CHN1: variants seen among roughly 807,000 people sequenced by gnomAD.
CHN1 encodes chimerin 1.
Under a neutral mutation model 59.5 loss-of-function variants are expected in CHN1, and 37 were observed. The ratio of observed to expected loss-of-function variants is 0.62; its 90% CI spans 0.48 to 0.82. CHN1 has a LOEUF of 0.82. CHN1 is among the 40% of genes least tolerant of loss of function. The pLI, the probability that CHN1 is intolerant of heterozygous loss-of-function variation, is 0.00. For missense variants in CHN1, 469 were observed against 571.0 expected, an observed-to-expected ratio of 0.82 and a Z score of 1.82; for synonymous variants, 206 against 200.4, an observed-to-expected ratio of 1.03 and a Z score of -0.24.
intron 5 of CHN1, among the ~76,000 whole-genome samples, chr2:174,902,521 T>C (rs939135922): frequency 2.0e-5 from 3 of 152,186 alleles, no homozygotes; most frequent in South Asian, 2.1e-4. Context: ...TACTCTTATA[T>C]CTTAAAATTT....
At chr2:174,851,886 T>TA (rs1686741575) in intron 6 of CHN1, among the ~76,000 whole-genome samples, 1 of 152,180 alleles carries the variant, frequency 6.6e-6, no homozygotes, top group South Asian at 2.1e-4. Context: ...CCAGAACTGA[T>TA]AAATGATTTT....
chr2:174,853,289 TG>T (rs1160835786), intron 6 of CHN1, among the ~76,000 whole-genome samples: 8 of 152,080 alleles, frequency 5.3e-5, no homozygotes, highest in Admixed American at 4.6e-4. Flanking sequence ...GCAAAGGACA[TG>T]AACAAACACT....
chr2:175,001,652 C>T (rs1485767919), intron 1 of CHN1, among the ~76,000 whole-genome samples: 1 of 152,114 alleles, frequency 6.6e-6, no homozygotes, highest in Non-Finnish European at 1.5e-5. Flanking sequence ...GTGACTCTAC[C>T]CAGATAGAGG....
At chr2:174,872,540 C>T (rs1271512274) in intron 6 of CHN1, among the ~76,000 whole-genome samples, 1 of 152,148 alleles carries the variant, frequency 6.6e-6, no homozygotes, top group East Asian at 1.9e-4. Context: ...GCAAATACCA[C>T]AGGAAAATAA....
intron 10 of CHN1, among the ~76,000 whole-genome samples, chr2:174,809,490 T>TTAA (rs1685006534): frequency 6.6e-6 from 1 of 152,202 alleles, no homozygotes; most frequent in African/African-American, 2.4e-5. Flanking sequence ...TATTTTTGAG[T>TTAA]TAACCAATCA....
At chr2:174,873,409 T>C (rs1198115015) in intron 6 of CHN1, among the ~76,000 whole-genome samples, 1 of 152,240 alleles carries the variant, frequency 6.6e-6, no homozygotes, top group Non-Finnish European at 1.5e-5. Context: ...GCAAACTTCT[T>C]TGTGCCATGC....
chr2:174,930,925 C>G (rs974306679), intron 3 of CHN1, among the ~76,000 whole-genome samples: 3 of 152,076 alleles, frequency 2.0e-5, no homozygotes, highest in African/African-American at 7.2e-5. Context: ...ACCACCTACG[C>G]CAGGCTAATT....
At chr2:174,853,015 C>A (rs765399284) in intron 6 of CHN1, among the ~76,000 whole-genome samples, 1 of 152,028 alleles carries the variant, frequency 6.6e-6, no homozygotes, top group Non-Finnish European at 1.5e-5. Flanking sequence ...TAGGAAATAC[C>A]CTTTTTCGTA....
intron 3 of CHN1, among the ~76,000 whole-genome samples, chr2:174,935,336 T>A (rs1689465625): frequency 6.6e-6 from 1 of 152,206 alleles, no homozygotes; most frequent in Non-Finnish European, 1.5e-5. Flanking sequence ...CCTCCAAGAA[T>A]GCTGACTGAA....
intron 6 of CHN1, among the ~76,000 whole-genome samples, chr2:174,860,741 C>A (rs888197535): frequency 1.3e-5 from 2 of 152,144 alleles, no homozygotes; most frequent in Admixed American, 6.5e-5. Flanking sequence ...CATTTTCTAA[C>A]AAAAGTTGAA....
At chr2:174,871,100 T>C (rs1320436490) in intron 6 of CHN1, among the ~76,000 whole-genome samples, 1 of 151,082 alleles carries the variant, frequency 6.6e-6, no homozygotes, top group Non-Finnish European at 1.5e-5. Flanking sequence ...TTTTCTTTAA[T>C]CATTACAGCA....
intron 2 of CHN1, among the ~76,000 whole-genome samples, chr2:174,948,624 C>T (rs927061805): frequency 6.6e-6 from 1 of 152,156 alleles, no homozygotes; most frequent in African/African-American, 2.4e-5. Context: ...TTGTGAAATG[C>T]TGTTCAGATT....
intron 5 of CHN1, among the ~76,000 whole-genome samples, chr2:174,913,281 G>C (rs548806036): frequency 6.6e-6 from 1 of 152,250 alleles, no homozygotes; most frequent in Admixed American, 6.5e-5. Flanking sequence ...AGAAAGAGAG[G>C]CTTCTGTTTC....
chr2:174,895,186 ATG>A (rs574252092), intron 5 of CHN1, among the ~76,000 whole-genome samples: 6,354 of 125,932 alleles, frequency 0.05, 261 homozygotes, highest in African/African-American at 0.12. Context: ...GAGTATATAT[ATG>A]TGTGTGTGTG....
Position 174,816,753 on chromosome 2 carries a change from G to GTTATA in CHN1, c.713-4272_713-4271insTATAA. On this transcript the variant is annotated intron_variant, in intron 8 of 12. Coordinates refer to ENST00000409900, the MANE Select transcript of CHN1 (RefSeq NM_001822.7). ...CAGGGCCTTTTGTTATAATTATTGG[G>GTTATA]AGTAATAAAAGCATATTTATCCATC... Among the ~76,000 whole-genome samples the GTTATA allele has an allele frequency of 4.6e-5, 7 of 152,080 alleles. No individual in the cohort carries two copies. The South Asian group carries it at 1.5e-3, about 32-fold the overall frequency.
At chr2:174,830,187 C>T (rs1365590448) in intron 7 of CHN1, among the ~76,000 whole-genome samples, 6 of 151,842 alleles carry the variant, frequency 4.0e-5, no homozygotes, top group South Asian at 2.1e-4. Flanking sequence ...GAGCCGAGAT[C>T]GTGCCACTGC....
Position 174,960,002 on chromosome 2 carries a change from T to G in CHN1, c.20-7800A>C, listed in dbSNP as rs149644597. Among the ~76,000 whole-genome samples, 9 of 152,164 alleles carry G rather than the reference T, an allele frequency of 5.9e-5. No individual in the cohort carries two copies. The East Asian group carries it at 1.5e-3, about 26-fold the overall frequency. On this transcript the variant is annotated intron_variant, in intron 1 of 12. Coordinates refer to ENST00000409900, the MANE Select transcript of CHN1 (RefSeq NM_001822.7). ...TGATGATGGGAAGGAAGAGCAATAG[T>G]GTAGTTGGTTCTTTTTCTGGCATTT... is the stretch of plus-strand genomic sequence containing the variant.
intron 1 of CHN1, among the ~76,000 whole-genome samples, chr2:174,957,450 G>C (rs930933245): frequency 2.1e-5 from 3 of 143,096 alleles, no homozygotes; most frequent in Non-Finnish European, 4.6e-5. Context: ...GTGTGTTGGG[G>C]GGGGGGGCAG....
intron 8 of CHN1, among the ~76,000 whole-genome samples, chr2:174,815,262 A>G (rs1685206980): frequency 6.6e-6 from 1 of 152,134 alleles, no homozygotes; most frequent in South Asian, 2.1e-4. Context: ...CTGTAGTTCC[A>G]GCTACTCAGC....
Sources: allele counts gnomAD v4.1 joint callset (sites outside exome capture counted in the v4.1 genomes callset), GRCh38; gene constraint gnomAD v4.1.1; transcripts MANE v1.5; gene names NCBI Gene and HGNC (gene_info 2026-07-23, HGNC 2026-07-21).